The following TBL1XR1 variants were observed in gnomAD, a reference collection of about 807,000 sequenced individuals.
The protein encoded by TBL1XR1 is F-box-like/WD repeat-containing protein TBL1XR1.
Under a neutral mutation model 66.9 loss-of-function variants are expected in TBL1XR1, and 5 were observed. The ratio of observed to expected loss-of-function variants is 0.07; its 90% CI spans 0.04 to 0.16. The LOEUF is 0.16. Ranked by LOEUF, TBL1XR1 falls within the 10% of genes least tolerant of loss-of-function variation. The pLI is 1.00. For missense variants in TBL1XR1, 238 were observed against 623.2 expected (o/e 0.38, Z 6.58); for synonymous variants, 210 against 206.0 (o/e 1.02, Z -0.17).
At chr3:177,128,144 A>T (rs1209117961) in intron 1 of TBL1XR1, among the ~76,000 whole-genome samples, 1 of 152,064 alleles carries the variant, frequency 6.6e-6, no homozygotes, top group African/African-American at 2.4e-5. Flanking sequence ...ACCTAGACCC[A>T]GGAGGTGGAG....
Position 177,026,675 on chromosome 3 carries a change from T to C in TBL1XR1, c.1417-201A>G, listed in dbSNP as rs1713171853. 4 of 488,186 alleles carry C rather than the reference T, an allele frequency of 8.2e-6. No homozygotes were observed. In the South Asian group the frequency reaches 1.0e-4, roughly 13 times the overall value. 30.2% of individuals were successfully genotyped at this position (488,186 alleles called of 1,614,324 possible). A position where few individuals can be genotyped will look rare whatever the true frequency, so the allele number is the denominator to read the frequency against. ...ATAATACCAGCCTGTTCTCAAAAGA[T>C]TACTCACACACATATTCAGTTTCTC... On this transcript the variant is annotated intron_variant, in intron 14 of 15. Transcript: ENST00000457928.
chr3:177,051,982 A>T (rs1267332453), intron 4 of TBL1XR1, among the ~76,000 whole-genome samples: 1 of 152,214 alleles, frequency 6.6e-6, no homozygotes, highest in South Asian at 2.1e-4. Context: ...AGCTGAAATG[A>T]AAGAGATAAT....
intron 1 of TBL1XR1, among the ~76,000 whole-genome samples, chr3:177,124,913 T>C (rs1727425353): frequency 1.3e-5 from 2 of 152,030 alleles, no homozygotes; most frequent in Admixed American, 1.3e-4. Flanking sequence ...CTTCACACCA[T>C]ATAAAAAATT....
chr3:177,160,138 G>C (rs1732004446), intron 1 of TBL1XR1, among the ~76,000 whole-genome samples: 1 of 152,098 alleles, frequency 6.6e-6, no homozygotes, highest in African/African-American at 2.4e-5. Context: ...AAATTGAAGA[G>C]CTGTTGGAGG....
At position 177,051,347 on chromosome 3, in the gene TBL1XR1, T is replaced by G. The variant is rs149861494; in HGVS notation, c.427+157A>C. On this transcript the variant is annotated intron_variant, in intron 5 of 15. Coordinates refer to ENST00000457928, the MANE Select transcript of TBL1XR1 (RefSeq NM_024665.7). ...ATCAGAAAAAATAACTATTGGGCAC[T>G]AGGCTTAGTACCTGGGTGATGAAAT... Among the ~76,000 whole-genome samples the G allele has an allele frequency of 7.1e-3, 1,083 of 152,204 alleles. 19 individuals carry two copies. The highest frequency in any genetic ancestry group is 0.025 in the African/African-American group (1,026 of 41,512).
chr3:177,035,209 C>G (rs921041899), intron 12 of TBL1XR1, among the ~76,000 whole-genome samples: 2 of 152,134 alleles, frequency 1.3e-5, no homozygotes, highest in Non-Finnish European at 2.9e-5. Flanking sequence ...GAATTTGATA[C>G]TGTTGGCCAC....
At chr3:177,167,819 T>A (rs1408811962) in intron 1 of TBL1XR1, among the ~76,000 whole-genome samples, 1 of 152,002 alleles carries the variant, frequency 6.6e-6, no homozygotes, top group Non-Finnish European at 1.5e-5. Flanking sequence ...TAATCCCAGC[T>A]AGCTACTCGG....
At chr3:177,145,049 T>G (rs1046999652) in intron 1 of TBL1XR1, among the ~76,000 whole-genome samples, 1 of 152,216 alleles carries the variant, frequency 6.6e-6, no homozygotes, top group African/African-American at 2.4e-5. Flanking sequence ...ACAGGCTGAT[T>G]TTGTTGACTG....
intron 2 of TBL1XR1, among the ~76,000 whole-genome samples, chr3:177,066,097 G>A (rs563784910): frequency 3.0e-4 from 46 of 152,162 alleles, no homozygotes; most frequent in African/African-American, 1.1e-3. Flanking sequence ...AATATCTAAC[G>A]TGGAACTATG....
At chr3:177,140,282 GGAGT>G (rs1290904117) in intron 1 of TBL1XR1, among the ~76,000 whole-genome samples, 1 of 152,000 alleles carries the variant, frequency 6.6e-6, no homozygotes, top group Non-Finnish European at 1.5e-5. Context: ...CCTGGGTGAC[GGAGT>G]GAGACTCCAA....
intron 1 of TBL1XR1, among the ~76,000 whole-genome samples, chr3:177,148,397 A>G (rs1730492250): frequency 6.6e-6 from 1 of 152,218 alleles, no homozygotes. Context: ...TCTTATGGCT[A>G]AAGACATGGC....
chr3:177,116,103 G>T (rs937635557), intron 1 of TBL1XR1, among the ~76,000 whole-genome samples: 3 of 151,972 alleles, frequency 2.0e-5, no homozygotes, highest in Admixed American at 2.0e-4. Context: ...TCACACTAAG[G>T]GCAATGGAAT....
At chr3:177,128,979 A>AT in intron 1 of TBL1XR1, among the ~76,000 whole-genome samples, 1 of 152,240 alleles carries the variant, frequency 6.6e-6, no homozygotes. Context: ...TATTTCTTCT[A>AT]TAACTCCACT....
At chr3:177,032,384 C>T (rs183058681) in intron 14 of TBL1XR1, 2 of 152,294 alleles carry the variant, frequency 1.3e-5, no homozygotes, top group East Asian at 1.9e-4. Flanking sequence ...TATGTGTGCA[C>T]TACAACCAAC....
At chr3:177,132,156 G>A (rs915007326) in intron 1 of TBL1XR1, among the ~76,000 whole-genome samples, 7 of 152,140 alleles carry the variant, frequency 4.6e-5, no homozygotes, top group African/African-American at 1.2e-4. Flanking sequence ...CCTGGTTTTC[G>A]TGAGCCCCTT....
intron 2 of TBL1XR1, among the ~76,000 whole-genome samples, chr3:177,070,640 G>A (rs1309684485): frequency 6.6e-6 from 1 of 152,150 alleles, no homozygotes; most frequent in Non-Finnish European, 1.5e-5. Context: ...CCTGAGGTCA[G>A]GAGTTCAGGG....
At chr3:177,083,989 G>T (rs1721787691) in intron 2 of TBL1XR1, among the ~76,000 whole-genome samples, 1 of 150,826 alleles carries the variant, frequency 6.6e-6, no homozygotes, top group Non-Finnish European at 1.5e-5. Flanking sequence ...TTGGGAGGCT[G>T]AGGCAGGAGA....
At chr3:177,149,374 T>C (rs1473073152) in intron 1 of TBL1XR1, among the ~76,000 whole-genome samples, 2 of 152,182 alleles carry the variant, frequency 1.3e-5, no homozygotes, top group African/African-American at 4.8e-5. Flanking sequence ...CCACCTAATA[T>C]TCAATATTCC....
intron 2 of TBL1XR1, among the ~76,000 whole-genome samples, chr3:177,092,599 T>A (rs1443078140): frequency 2.0e-5 from 3 of 152,208 alleles, no homozygotes; most frequent in Non-Finnish European, 4.4e-5. Flanking sequence ...CTCACATCCA[T>A]TAAGATGGGC....
Sources: gnomAD v4.1 joint callset for allele counts (sites outside exome capture counted in the v4.1 genomes callset) on GRCh38, gnomAD v4.1.1 for gene constraint, MANE v1.5 for transcripts, NCBI Gene and HGNC (gene_info 2026-07-23, HGNC 2026-07-21) for gene names.